Variants in GPC5 observed in about 807,000 individuals in gnomAD.
The protein encoded by GPC5 is glypican 5.
GPC5 carries 47 observed loss-of-function variants against 53.9 expected under a neutral mutation model. The observed-to-expected ratio is 0.87, with a 90% confidence interval of 0.69 to 1.11. The LOEUF (loss-of-function observed/expected upper bound fraction) is 1.11. GPC5 is among the 50% of genes most tolerant of loss of function. The pLI, the probability that GPC5 is intolerant of heterozygous loss-of-function variation, is 0.00. For synonymous variants in GPC5, 286 were observed against 263.3 expected (o/e 1.09, Z -0.84); for missense variants, 748 against 713.1 (o/e 1.05, Z -0.56).
At chr13:91,464,037 T>TAA (rs955599915) in intron 2 of GPC5, among the ~76,000 whole-genome samples, 2 of 151,932 alleles carry the variant, frequency 1.3e-5, no homozygotes, top group African/African-American at 4.8e-5. Context: ...ATTCAACAGT[T>TAA]AAAAAAACCC....
intron 6 of GPC5, among the ~76,000 whole-genome samples, chr13:92,019,510 A>C (rs1010694490): frequency 1.3e-5 from 2 of 152,064 alleles, no homozygotes; most frequent in African/African-American, 4.8e-5. Context: ...TAAGAGAACA[A>C]ATTCATGCAG....
At chr13:91,974,749 C>T (rs1015516881) in intron 6 of GPC5, among the ~76,000 whole-genome samples, 11 of 152,136 alleles carry the variant, frequency 7.2e-5, no homozygotes, top group Non-Finnish European at 1.5e-5. Flanking sequence ...TGACTTTCCT[C>T]ACAGAATTGG....
intron 7 of GPC5, among the ~76,000 whole-genome samples, chr13:92,356,275 G>T (rs1290514506): frequency 6.6e-6 from 1 of 152,180 alleles, no homozygotes; most frequent in African/African-American, 2.4e-5. Flanking sequence ...CAGAGAAAGA[G>T]ATGTGGGAAA....
At chr13:92,056,980 T>C (rs1160566902) in intron 6 of GPC5, among the ~76,000 whole-genome samples, 1 of 152,172 alleles carries the variant, frequency 6.6e-6, no homozygotes, top group African/African-American at 2.4e-5. Context: ...TCTTACTCCC[T>C]CCTGTAATTG....
chr13:92,260,888 G>C (rs1346428414), intron 7 of GPC5, among the ~76,000 whole-genome samples: 2 of 152,072 alleles, frequency 1.3e-5, no homozygotes, highest in African/African-American at 4.8e-5. Context: ...TTTATATTTA[G>C]TTTGCATGAA....
intron 2 of GPC5, among the ~76,000 whole-genome samples, chr13:91,458,523 C>T (rs959062108): frequency 6.6e-6 from 1 of 152,070 alleles, no homozygotes; most frequent in African/African-American, 2.4e-5. Flanking sequence ...CACGAATTAT[C>T]GGGAAATGCA....
At chr13:91,477,906 G>A (rs968442553) in intron 2 of GPC5, among the ~76,000 whole-genome samples, 2 of 152,174 alleles carry the variant, frequency 1.3e-5, no homozygotes, top group African/African-American at 4.8e-5. Flanking sequence ...GAGACAAACA[G>A]TCTTTTTAAG....
At chr13:91,417,239 C>T (rs1276629994) in intron 1 of GPC5, among the ~76,000 whole-genome samples, 1 of 152,032 alleles carries the variant, frequency 6.6e-6, no homozygotes, top group Admixed American at 6.6e-5. Flanking sequence ...ATACCAAGGT[C>T]GTGATGTGTA....
At chr13:92,282,377 A>G (rs370021671) in intron 7 of GPC5, among the ~76,000 whole-genome samples, 1 of 152,162 alleles carries the variant, frequency 6.6e-6, no homozygotes, top group East Asian at 1.9e-4. Flanking sequence ...CCAACATTCA[A>G]ATTCAGGAAA....
intron 7 of GPC5, among the ~76,000 whole-genome samples, chr13:92,170,877 T>C (rs1189640451): frequency 1.3e-5 from 2 of 152,124 alleles, no homozygotes; most frequent in East Asian, 1.9e-4. Context: ...GGAAGTAGAA[T>C]GAGAAAAAAT....
chr13:91,534,826 G>A (rs1886512339), intron 2 of GPC5, among the ~76,000 whole-genome samples: 1 of 152,100 alleles, frequency 6.6e-6, no homozygotes. Context: ...CCCAGTCCAT[G>A]GCATTATCAT....
At position 91,507,272 on chromosome 13, in the gene GPC5, G is replaced by C. The variant is rs371632007; in HGVS notation, c.325+58350G>C. Among the ~76,000 whole-genome samples the C allele has an allele frequency of 1.1e-3, 168 of 152,114 alleles. 5 individuals are homozygous for C. The South Asian group carries it at 0.034, about 30-fold the overall frequency. On this transcript the variant is annotated intron_variant, in intron 2 of 7. Transcript: ENST00000377067. ...GCAGAATGAGGAAGGGAGCTCTCTG[G>C]GGTCTCTTTTATAAGAATCCCATTC...
intron 7 of GPC5, among the ~76,000 whole-genome samples, chr13:92,527,136 GAAAGAA>G: frequency 8.8e-6 from 1 of 113,050 alleles, no homozygotes; most frequent in Non-Finnish European, 1.9e-5. Flanking sequence ...AAGAAAGAAA[GAAAGAA>G]AGAAAGAAAG....
chr13:91,629,205 C>T (rs1481831819), intron 2 of GPC5, among the ~76,000 whole-genome samples: 1 of 152,078 alleles, frequency 6.6e-6, no homozygotes, highest in African/African-American at 2.4e-5. Context: ...TCCAGCCACA[C>T]TTTTTACAGA....
chr13:92,541,290 T>C (rs1414149379), intron 7 of GPC5, among the ~76,000 whole-genome samples: 1 of 151,844 alleles, frequency 6.6e-6, no homozygotes, highest in African/African-American at 2.4e-5. Flanking sequence ...AGATGAATGG[T>C]TTTGTATCTA....
At chr13:92,631,647 C>T (rs1320827356) in intron 7 of GPC5, among the ~76,000 whole-genome samples, 3 of 152,046 alleles carry the variant, frequency 2.0e-5, no homozygotes, top group Non-Finnish European at 2.9e-5. Context: ...TGCTTTTGCG[C>T]CAACCTAATA....
chr13:91,561,801 C>T (rs2031276732), intron 2 of GPC5, among the ~76,000 whole-genome samples: 1 of 152,068 alleles, frequency 6.6e-6, no homozygotes, highest in Non-Finnish European at 1.5e-5. Flanking sequence ...CACTCTAGTG[C>T]TGGCAGGTTT....
chr13:92,572,420 CA>C (rs1206515926), intron 7 of GPC5, among the ~76,000 whole-genome samples: 1 of 152,106 alleles, frequency 6.6e-6, no homozygotes, highest in Non-Finnish European at 1.5e-5. Flanking sequence ...TGAATACCAT[CA>C]TTCTTTGTTG....
intron 6 of GPC5, among the ~76,000 whole-genome samples, chr13:92,005,704 A>G (rs1042978363): frequency 2.0e-5 from 3 of 152,216 alleles, no homozygotes; most frequent in East Asian, 1.9e-4. Flanking sequence ...GTTCACTGCT[A>G]TATCTCCCTG....
Sources: allele counts gnomAD v4.1 joint callset (sites outside exome capture counted in the v4.1 genomes callset), GRCh38; gene constraint gnomAD v4.1.1; transcripts MANE v1.5; gene names NCBI Gene and HGNC (gene_info 2026-07-23, HGNC 2026-07-21).